The following TNR variants were observed in gnomAD, a reference collection of about 807,000 sequenced individuals.
TNR encodes the protein tenascin R, also known as tenascin-R.
Under a neutral mutation model 150.4 loss-of-function variants are expected in TNR, and 45 were observed. That is an observed-to-expected ratio of 0.30 (90% CI 0.24 to 0.38). The LOEUF (loss-of-function observed/expected upper bound fraction) is 0.38. TNR is among the 10% of genes least tolerant of loss of function. The pLI is 1.00. For synonymous variants in TNR, 687 were observed against 678.4 expected, an observed-to-expected ratio of 1.01 and a Z score of -0.20; for missense variants, 1,544 against 1,759.1, an observed-to-expected ratio of 0.88 and a Z score of 2.19.
intron 2 of TNR, among the ~76,000 whole-genome samples, chr1:175,416,239 A>G (rs1051449742): frequency 1.3e-5 from 2 of 152,172 alleles, no homozygotes; most frequent in African/African-American, 2.4e-5. Context: ...AATTGATGAG[A>G]TTATTCCCAT....
rs777406140 is a variant in TNR at position 175,324,404 on chromosome 1, G to A, written c.3909C>T (p.Cys1303=). 2 of 1,614,110 alleles carry A rather than the reference G, an allele frequency of 1.2e-6. No individual in the cohort carries two copies. The highest frequency in any genetic ancestry group is 3.3e-5 in the Admixed American group (2 of 60,010). ...ACTTCCCATTGAGGTTGGTCCGGTG[G>A]CAGTTCTTATACCACCATGCTCCCT... The part of the protein sequence containing the change: ...SYKGAWWYKN[C]HRTNLNGKYG... Residue 1303 remains cysteine (C), a synonymous_variant, in exon 22 of 23, where the codon TGC becomes TGT. Coordinates refer to ENST00000367674, the MANE Select transcript of TNR (RefSeq NM_003285.3).
At position 175,537,759 on chromosome 1, in the gene TNR, C is replaced by G. The variant is rs79789459; in HGVS notation, c.-164-9390G>C. On this transcript the variant is annotated intron_variant, in intron 1 of 22. Transcript: ENST00000367674. ...ACCTGAGAGCAGAGAACAGAGGATTCTCCGAGCAGATGGCACAGATAGCAC... is the reference window on the plus strand; with the variant it reads ...ACCTGAGAGCAGAGAACAGAGGATTGTCCGAGCAGATGGCACAGATAGCAC... Among the ~76,000 whole-genome samples, 90 of 152,308 alleles carry G rather than the reference C, an allele frequency of 5.9e-4. No homozygotes were observed. The East Asian group carries it at 0.012, about 20-fold the overall frequency.
chr1:175,666,433 A>C (rs1220841902), intron 1 of TNR, among the ~76,000 whole-genome samples: 1 of 152,204 alleles, frequency 6.6e-6, no homozygotes, highest in African/African-American at 2.4e-5. Context: ...GGCCAGCCTC[A>C]GGCCCTGAGG....
chr1:175,680,052 C>T (rs1183644304), intron 1 of TNR, among the ~76,000 whole-genome samples: 1 of 152,188 alleles, frequency 6.6e-6, no homozygotes, highest in African/African-American at 2.4e-5. Flanking sequence ...AGCTGAGAAC[C>T]ATGTACACCC....
intron 2 of TNR, among the ~76,000 whole-genome samples, chr1:175,431,936 C>CCTTCTCT (rs1655289440): frequency 5.7e-5 from 3 of 52,356 alleles, no homozygotes; most frequent in African/African-American, 4.3e-4. Flanking sequence ...TCTCTCTCTC[C>CCTTCTCT]CTCTGTCTCT....
At chr1:175,529,679 T>C (rs78394304) in intron 1 of TNR, among the ~76,000 whole-genome samples, 2,104 of 152,302 alleles carry the variant, frequency 0.014, 52 homozygotes, top group African/African-American at 0.047. Flanking sequence ...TGCCCACAGA[T>C]TGCAGCCTAT....
intron 19 of TNR, among the ~76,000 whole-genome samples, chr1:175,336,124 G>A (rs1033569034): frequency 6.6e-6 from 1 of 152,208 alleles, no homozygotes; most frequent in Admixed American, 6.5e-5. Flanking sequence ...AATATCAGGG[G>A]AAATAGGCTT....
At chr1:175,510,580 T>C (rs770136923) in intron 2 of TNR, among the ~76,000 whole-genome samples, 4 of 152,094 alleles carry the variant, frequency 2.6e-5, no homozygotes, top group Non-Finnish European at 5.9e-5. Context: ...ATAACCATAG[T>C]CAAATAATGT....
intron 1 of TNR, among the ~76,000 whole-genome samples, chr1:175,711,779 A>G (rs1667024849): frequency 6.6e-6 from 1 of 152,206 alleles, no homozygotes; most frequent in Non-Finnish European, 1.5e-5. Context: ...GAGTGAGAGC[A>G]GTCGAGGTTT....
chr1:175,689,759 G>C (rs899516100), intron 1 of TNR, among the ~76,000 whole-genome samples: 1 of 152,138 alleles, frequency 6.6e-6, no homozygotes, highest in African/African-American at 2.4e-5. Context: ...GCCAGACAGG[G>C]AGGGGTGAGG....
rs1651237528 is a variant in TNR at position 175,354,731 on chromosome 1, G to A, written c.3250-208C>T. The stretch of plus-strand genomic sequence containing the variant: ...AGATTTAGGCCAGCTCCTATCTCAG[G>A]AATGCACATTGGGATAAATTTAGGT... On this transcript the variant is annotated intron_variant, in intron 17 of 22. Transcript: ENST00000367674. Among the ~76,000 whole-genome samples, 6 of 152,204 alleles carry A rather than the reference G, an allele frequency of 3.9e-5. No homozygotes were observed. The South Asian group carries it at 1.2e-3, about 32-fold the overall frequency.
intron 1 of TNR, among the ~76,000 whole-genome samples, chr1:175,703,269 A>G (rs1196871644): frequency 6.6e-6 from 1 of 152,232 alleles, no homozygotes; most frequent in African/African-American, 2.4e-5. Context: ...AGATCAATTT[A>G]CTGTAAAGGT....
At chr1:175,329,566 G>A (rs1331479198) in intron 21 of TNR, among the ~76,000 whole-genome samples, 1 of 152,202 alleles carries the variant, frequency 6.6e-6, no homozygotes, top group Non-Finnish European at 1.5e-5. Flanking sequence ...TGATGGACAG[G>A]GTGGGGTGTT....
At chr1:175,731,668 A>C (rs1325607223) in intron 1 of TNR, among the ~76,000 whole-genome samples, 2 of 152,126 alleles carry the variant, frequency 1.3e-5, no homozygotes, top group African/African-American at 4.8e-5. Context: ...ATTCTGGTTC[A>C]AGTTCACTGT....
chr1:175,735,963 A>G (rs1435435279), intron 1 of TNR, among the ~76,000 whole-genome samples: 1 of 152,210 alleles, frequency 6.6e-6, no homozygotes, highest in Non-Finnish European at 1.5e-5. Context: ...TAGGAGAAAA[A>G]ATAGCCAACA....
intron 15 of TNR, among the ~76,000 whole-genome samples, chr1:175,359,139 C>CTTTTATTTTTTTTTTT (rs1651468170): frequency 2.4e-5 from 1 of 42,138 alleles, no homozygotes; most frequent in Non-Finnish European, 4.3e-5. Flanking sequence ...GGGATATCTT[C>CTTTTATTTTTTTTTTT]TTTTTTTTTT....
intron 21 of TNR, 105 bp from the exon 22 acceptor site, chr1:175,324,624 AC>A: frequency 7.5e-7 from 1 of 1,335,256 alleles, no homozygotes; most frequent in Non-Finnish European, 1.0e-6. Flanking sequence ...CACTTATGGA[AC>A]CTTTTCATTT....
At chr1:175,479,386 G>T (rs1657681403) in intron 2 of TNR, among the ~76,000 whole-genome samples, 1 of 152,170 alleles carries the variant, frequency 6.6e-6, no homozygotes, top group Non-Finnish European at 1.5e-5. Flanking sequence ...GGTATTCCCA[G>T]GGAGAGCCTG....
At chr1:175,696,156 C>T (rs1280029437) in intron 1 of TNR, among the ~76,000 whole-genome samples, 1 of 149,646 alleles carries the variant, frequency 6.7e-6, no homozygotes, top group East Asian at 2.0e-4. Context: ...CATGAATGAA[C>T]TAGGCTCAGA....
Sources: allele counts gnomAD v4.1 joint callset (sites outside exome capture counted in the v4.1 genomes callset), GRCh38; gene constraint gnomAD v4.1.1; transcripts MANE v1.5; gene names NCBI Gene and HGNC (gene_info 2026-07-23, HGNC 2026-07-21).